KATNA1: variants seen among roughly 807,000 people sequenced by gnomAD.
The protein encoded by KATNA1 is katanin catalytic subunit A1, also known as katanin p60 ATPase-containing subunit A1.
A neutral mutation model predicts 62.6 loss-of-function variants in KATNA1; 42 were observed. The observed-to-expected ratio is 0.67, with a 90% CI of 0.52 to 0.87. KATNA1 has a LOEUF of 0.87. Among genes scored for constraint, KATNA1 ranks in the 40% least tolerant of loss-of-function variants. KATNA1 has a pLI of 0.00. For missense variants in KATNA1, 498 were observed against 612.5 expected (o/e 0.81, Z 1.97); for synonymous variants, 186 against 201.9 (o/e 0.92, Z 0.67).
intron 1 of KATNA1, among the ~76,000 whole-genome samples, chr6:149,644,663 G>A (rs1413710944): frequency 1.3e-5 from 2 of 151,946 alleles, no homozygotes; most frequent in Non-Finnish European, 2.9e-5. Flanking sequence ...TTTAAATTAA[G>A]TTGTTACTTA....
chr6:149,639,742 A>G lies in KATNA1; in HGVS notation c.-13-1182T>C, dbSNP rs191670623. ...CCCTGAACTCCTCAGTTCAAAATAA[A>G]CTCTCCCTCCTCTAAAGTCCCCTTG... is the stretch of plus-strand genomic sequence containing the variant. On this transcript the variant is annotated intron_variant, in intron 1 of 10. Transcript: ENST00000367411. Among the ~76,000 whole-genome samples, 3 of 151,708 alleles carry G rather than the reference A, an allele frequency of 2.0e-5. No homozygotes were observed. The East Asian group carries it at 5.8e-4, about 29-fold the overall frequency.
At chr6:149,600,185 A>G (rs1778482439) in intron 7 of KATNA1, among the ~76,000 whole-genome samples, 1 of 120,310 alleles carries the variant, frequency 8.3e-6, no homozygotes, top group Admixed American at 9.7e-5. Flanking sequence ...ATATAGTGAG[A>G]GCTTATCTTA....
intron 2 of KATNA1, among the ~76,000 whole-genome samples, chr6:149,635,326 G>C (rs889954268): frequency 2.0e-5 from 3 of 152,120 alleles, no homozygotes; most frequent in Non-Finnish European, 4.4e-5. Context: ...CTGTATTATA[G>C]TAATGGGTCT....
chr6:149,635,036 C>T (rs1780017308), intron 2 of KATNA1, among the ~76,000 whole-genome samples: 1 of 150,384 alleles, frequency 6.6e-6, no homozygotes, highest in Non-Finnish European at 1.5e-5. Context: ...GAGAGTAAGG[C>T]TCCACCTCAA....
intron 6 of KATNA1, 41 bp from the exon 7 acceptor site, chr6:149,601,793 C>T (rs752745998): frequency 1.7e-5 from 25 of 1,447,592 alleles, no homozygotes; most frequent in Non-Finnish European, 2.3e-5. Context: ...ATTTATCTGC[C>T]ATTGTTCTAA....
chr6:149,609,074 A>G (rs1778848821), intron 4 of KATNA1, among the ~76,000 whole-genome samples: 1 of 152,238 alleles, frequency 6.6e-6, no homozygotes, highest in Non-Finnish European at 1.5e-5. Context: ...AGATGCCAAG[A>G]CCAAAATGAC....
At chr6:149,635,728 A>G (rs911419978) in intron 2 of KATNA1, among the ~76,000 whole-genome samples, 20 of 151,734 alleles carry the variant, frequency 1.3e-4, no homozygotes, top group African/African-American at 4.4e-4. Context: ...AAACAAACAA[A>G]AAACAGTAAA....
At chr6:149,638,273 G>T in intron 2 of KATNA1, 113 bp downstream of exon 2, 1 of 1,001,656 alleles carries the variant, frequency 1.0e-6, no homozygotes, top group Non-Finnish European at 1.5e-6. Context: ...TGTGTACTGT[G>T]CTCGGTAGTC....
intron 3 of KATNA1, among the ~76,000 whole-genome samples, chr6:149,630,704 T>C (rs1473614971): frequency 6.6e-6 from 1 of 152,136 alleles, no homozygotes; most frequent in Non-Finnish European, 1.5e-5. Flanking sequence ...GTCAAGAACA[T>C]GATGGTATGG....
At chr6:149,633,666 G>A (rs1779944011) in intron 2 of KATNA1, among the ~76,000 whole-genome samples, 1 of 151,962 alleles carries the variant, frequency 6.6e-6, no homozygotes, top group African/African-American at 2.4e-5. Flanking sequence ...CCAGGAGATG[G>A]AGGTTGCAGA....
intron 2 of KATNA1, among the ~76,000 whole-genome samples, chr6:149,636,797 T>C (rs943136340): frequency 6.6e-6 from 1 of 151,882 alleles, no homozygotes; most frequent in Admixed American, 6.6e-5. Flanking sequence ...CCCGCCACTA[T>C]ACCCAGCTAA....
rs771062124 is a variant in KATNA1 at position 149,632,754 on chromosome 6, C to T, written c.320+5G>A. 1.3e-6 allele frequency: 2 copies of T among 1,599,260 alleles called. No homozygotes were observed. Among genetic ancestry groups the T allele is most frequent in the Non-Finnish European group, 1.7e-6 (2 of 1,176,402 alleles). ...TAACTGGTTTCTTAAAAGGTTTCCA[C>T]TTACCTTCGTTCAACAGGTACAGGC... On this transcript the variant is annotated splice_donor_5th_base_variant and intron_variant, in intron 3 of 10. Transcript: ENST00000367411.
intron 4 of KATNA1, among the ~76,000 whole-genome samples, chr6:149,622,465 AATG>A (rs1779436871): frequency 6.6e-6 from 1 of 152,178 alleles, no homozygotes; most frequent in African/African-American, 2.4e-5. Context: ...AGAAAAATAA[AATG>A]ATAAGTCAAA....
intron 2 of KATNA1, 87 bp from the exon 3 acceptor site, chr6:149,633,003 C>T (rs1252219690): frequency 2.1e-6 from 2 of 963,306 alleles, no homozygotes; most frequent in Non-Finnish European, 3.0e-6. Context: ...AGAGATGTTA[C>T]AAAACTCCAT....
rs1778671530 is a variant in KATNA1, at chr6:149,604,740, A to T, written c.544T>A (p.Phe182Ile). The T allele has an allele frequency of 6.2e-7, 1 of 1,613,120 alleles. No individual in the cohort carries two copies. Among genetic ancestry groups the T allele is most frequent in the Non-Finnish European group, 8.5e-7 (1 of 1,179,206 alleles). The change falls in exon 5 of 11, where the codon TTT becomes ATT. Residue 182 changes from phenylalanine to isoleucine, a missense_variant. This residue lies in a region of KATNA1 where 203 missense variants were observed against 198.4 expected (regional missense o/e 1.02). Transcript: ENST00000367411. The part of the protein sequence containing the change: ...AAVTEPETNK[F>I]DSTGYDKDLV... ...TCTTTATCATATCCGGTACTATCAA[A>T]TTTATTTGTCTCTGGTTCTGTTACT...
chr6:149,640,893 G>A (rs915642878), intron 1 of KATNA1, among the ~76,000 whole-genome samples: 15 of 148,334 alleles, frequency 1.0e-4, no homozygotes, highest in Non-Finnish European at 1.9e-4. Context: ...TTTTTGAGAC[G>A]GAGTTTTGCT....
intron 4 of KATNA1, among the ~76,000 whole-genome samples, chr6:149,618,038 C>CTG: frequency 6.9e-6 from 1 of 145,082 alleles, no homozygotes; most frequent in South Asian, 2.2e-4. Flanking sequence ...GCCTGTAGTC[C>CTG]CAGCTACTCG....
At chr6:149,635,884 G>A (rs961780982) in intron 2 of KATNA1, among the ~76,000 whole-genome samples, 11 of 150,668 alleles carry the variant, frequency 7.3e-5, no homozygotes, top group East Asian at 5.9e-4. Context: ...GTGAAACCCC[G>A]TCTCTACTAA....
Position 149,597,493 on chromosome 6 carries a change from TG to T in KATNA1, c.1150+13del, listed in dbSNP as rs773117839. The stretch of plus-strand genomic sequence containing the variant: ...AAGTTAACAGGCTTTCTGACAAGAT[TG>T]AAAGGAAGATACCTGACGGCAAAGG... On this transcript the variant is annotated intron_variant, in intron 9 of 10. Transcript: ENST00000367411. The T allele has an allele frequency of 1.9e-6, 3 of 1,611,068 alleles. No homozygotes were observed. Among genetic ancestry groups the T allele is most frequent in the Non-Finnish European group, 2.5e-6 (3 of 1,179,202 alleles).
Sources: allele counts gnomAD v4.1 joint callset (sites outside exome capture counted in the v4.1 genomes callset), GRCh38; gene constraint gnomAD v4.1.1; regional missense constraint gnomAD v4.1.1; transcripts MANE v1.5; gene names NCBI Gene and HGNC (gene_info 2026-07-23, HGNC 2026-07-21).